Variants in SIL1 observed in about 807,000 individuals in gnomAD.
The protein encoded by SIL1 is nucleotide exchange factor SIL1.
A neutral mutation model predicts 49.1 loss-of-function variants in SIL1; 40 were observed. The observed-to-expected ratio is 0.81, with a 90% confidence interval of 0.63 to 1.06. The LOEUF (loss-of-function observed/expected upper bound fraction) is 1.06, where lower values mean the gene tolerates loss of function less well. SIL1 is among the 50% of genes least tolerant of loss of function. SIL1 has a pLI of 0.00. For missense variants in SIL1, 500 were observed against 572.6 expected, an observed-to-expected ratio of 0.87 and a Z score of 1.29; for synonymous variants, 253 against 250.8, an observed-to-expected ratio of 1.01 and a Z score of -0.08.
chr5:138,985,647 G>A (rs1767634675), intron 7 of SIL1, among the ~76,000 whole-genome samples: 1 of 152,208 alleles, frequency 6.6e-6, no homozygotes, highest in Non-Finnish European at 1.5e-5. Flanking sequence ...GAGACTTAAA[G>A]TCTCACAGAA....
intron 5 of SIL1, among the ~76,000 whole-genome samples, chr5:139,027,831 G>A (rs564770997): frequency 1.4e-3 from 207 of 152,286 alleles, no homozygotes; most frequent in African/African-American, 4.5e-3. Flanking sequence ...ATAAAAAGCC[G>A]GATGATGAAC....
intron 7 of SIL1, among the ~76,000 whole-genome samples, chr5:138,971,772 C>T (rs1003926470): frequency 3.3e-5 from 5 of 152,216 alleles, no homozygotes; most frequent in African/African-American, 4.8e-5. Flanking sequence ...CCCAGCACCA[C>T]AAAAGCTGCC....
chr5:138,973,848 G>T (rs1408671462), intron 7 of SIL1, among the ~76,000 whole-genome samples: 1 of 151,988 alleles, frequency 6.6e-6, no homozygotes, highest in African/African-American at 2.4e-5. Flanking sequence ...GCCTCCCAAA[G>T]TTCTAGGACT....
intron 1 of SIL1, among the ~76,000 whole-genome samples, chr5:139,167,141 AAC>A: frequency 6.6e-6 from 1 of 151,724 alleles, no homozygotes; most frequent in African/African-American, 2.4e-5. Context: ...AGAGACTACT[AAC>A]ACGGTTTCGC....
At chr5:139,047,554 T>G (rs1432782372) in intron 4 of SIL1, among the ~76,000 whole-genome samples, 1 of 152,256 alleles carries the variant, frequency 6.6e-6, no homozygotes, top group African/African-American at 2.4e-5. Flanking sequence ...TTGGACAATT[T>G]CATGGAAAGC....
At chr5:139,170,819 AG>A (rs1156490345) in intron 1 of SIL1, among the ~76,000 whole-genome samples, 177 of 132,138 alleles carry the variant, frequency 1.3e-3, no homozygotes, top group African/African-American at 5.0e-3. Flanking sequence ...TCCGGGAGGG[AG>A]GTGGGGGGGT....
At chr5:139,071,181 C>A (rs571482649) in intron 3 of SIL1, among the ~76,000 whole-genome samples, 25 of 84,778 alleles carry the variant, frequency 2.9e-4, no homozygotes, top group Non-Finnish European at 2.8e-4. Context: ...CTTCAACAGA[C>A]AATTTATAAG....
chr5:139,178,494 C>T (rs1055711307), intron 1 of SIL1, among the ~76,000 whole-genome samples: 11 of 151,890 alleles, frequency 7.2e-5, no homozygotes, highest in Non-Finnish European at 1.5e-4. Context: ...GCTCCTCTCA[C>T]TCTCTGTGCT....
chr5:139,120,473 T>C (rs1275893944), intron 3 of SIL1, among the ~76,000 whole-genome samples: 1 of 152,120 alleles, frequency 6.6e-6, no homozygotes, highest in Non-Finnish European at 1.5e-5. Flanking sequence ...TACCTGAATA[T>C]GGTGAAGACT....
chr5:139,101,227 C>T (rs77709221), intron 3 of SIL1, among the ~76,000 whole-genome samples: 7,504 of 152,146 alleles, frequency 0.049, 596 homozygotes, highest in African/African-American at 0.17. Flanking sequence ...TGCTGCCGTA[C>T]ACCTGGTCAC....
At chr5:139,190,366 G>A (rs773132469) in intron 1 of SIL1, among the ~76,000 whole-genome samples, 4 of 152,158 alleles carry the variant, frequency 2.6e-5, no homozygotes, top group Admixed American at 6.5e-5. Context: ...AACACATTTC[G>A]ACATGAGTAG....
intron 3 of SIL1, among the ~76,000 whole-genome samples, chr5:139,069,570 C>T (rs1488812704): frequency 6.6e-6 from 1 of 152,008 alleles, no homozygotes; most frequent in Non-Finnish European, 1.5e-5. Context: ...AATCTAATTT[C>T]ACATAAAAAC....
At chr5:139,173,190 A>G (rs573568431) in intron 1 of SIL1, among the ~76,000 whole-genome samples, 89 of 152,336 alleles carry the variant, frequency 5.8e-4, no homozygotes, top group Middle Eastern at 6.8e-3. Context: ...TTACAGTGTT[A>G]TAACTTCAGG....
intron 1 of SIL1, among the ~76,000 whole-genome samples, chr5:139,136,267 T>C (rs554932094): frequency 2.0e-5 from 3 of 152,152 alleles, no homozygotes; most frequent in South Asian, 2.1e-4. Flanking sequence ...TAGAGAACAA[T>C]TGGAATTCAA....
intron 3 of SIL1, among the ~76,000 whole-genome samples, chr5:139,090,314 T>C (rs1177328196): frequency 6.6e-6 from 1 of 152,190 alleles, no homozygotes; most frequent in Non-Finnish European, 1.5e-5. Context: ...CTCTTCTACC[T>C]GACTGTTAAG....
At chr5:139,023,974 C>A (rs1768587642) in intron 6 of SIL1, among the ~76,000 whole-genome samples, 1 of 152,154 alleles carries the variant, frequency 6.6e-6, no homozygotes, top group African/African-American at 2.4e-5. Context: ...GGTGAGGTGG[C>A]CTGTGAAAGC....
At chr5:139,022,747 C>G (rs952407411) in intron 6 of SIL1, 3 of 152,200 alleles carry the variant, frequency 2.0e-5, no homozygotes, top group African/African-American at 7.2e-5. Flanking sequence ...CATTTTTCTG[C>G]CCCAAACTGT....
chr5:138,949,211 C>G (rs1766707304), intron 9 of SIL1, among the ~76,000 whole-genome samples: 1 of 152,208 alleles, frequency 6.6e-6, no homozygotes, highest in African/African-American at 2.4e-5. Context: ...GCACCAGAGG[C>G]CATGGAATCC....
intron 1 of SIL1, among the ~76,000 whole-genome samples, chr5:139,150,605 G>T (rs574673452): frequency 5.3e-5 from 8 of 152,088 alleles, no homozygotes; most frequent in Non-Finnish European, 8.8e-5. Context: ...TGGCTTTGAC[G>T]AATCTCTCAT....
Sources: gnomAD v4.1 joint callset for allele counts (sites outside exome capture counted in the v4.1 genomes callset) on GRCh38, gnomAD v4.1.1 for gene constraint, MANE v1.5 for transcripts, NCBI Gene and HGNC (gene_info 2026-07-23, HGNC 2026-07-21) for gene names.